The following SRRM2 variants were observed in gnomAD, a reference collection of about 807,000 sequenced individuals.
SRRM2 encodes the protein serine/arginine repetitive matrix 2.
In SRRM2, 30 loss-of-function variants were observed where a neutral mutation model predicts 213.8. That is an observed-to-expected ratio of 0.14 (90% CI 0.10 to 0.19). The LOEUF is 0.19. Among genes scored for constraint, SRRM2 ranks in the 10% least tolerant of loss-of-function variants. The probability of loss-of-function intolerance (pLI) is 1.00; values close to 1 mark genes in which losing one functional copy is unlikely to be tolerated. For synonymous variants in SRRM2, 2,025 were observed against 1,377.7 expected, an observed-to-expected ratio of 1.47 and a Z score of -10.40; for missense variants, 4,904 against 3,647.0, an observed-to-expected ratio of 1.34 and a Z score of -8.88.
At position 2,763,006 on chromosome 16, in the gene SRRM2, A is replaced by C. The variant is rs749958238; in HGVS notation, c.2478A>C (p.Lys826Asn). The change falls in exon 11 of 15, where the codon AAA (lysine) becomes AAC (asparagine). Residue 826 changes from lysine (K) to asparagine (N), a missense_variant. Lys to Asn is a moderately conservative substitution (Grantham distance 94). Coordinates refer to ENST00000301740, the MANE Select transcript of SRRM2 (RefSeq NM_016333.4). ...RSSSSPPPKQ[K>N]SKTPSRQSHS... ...GTTCTTCTCCGCCACCTAAACAGAA[A>C]TCTAAGACACCATCAAGACAAAGTC... 3 of 1,614,082 alleles carry C rather than the reference A, an allele frequency of 1.9e-6. No homozygotes were observed. The highest frequency in any genetic ancestry group is 2.5e-6 in the Non-Finnish European group (3 of 1,180,008).
chr16:2,758,309 C>T (rs768860004), intron 4 of SRRM2, among the ~76,000 whole-genome samples, 161 bp from the exon 5 acceptor site: 4 of 152,168 alleles, frequency 2.6e-5, no homozygotes, highest in Admixed American at 6.5e-5. Flanking sequence ...TTGGAGGTTA[C>T]GGTGTGAGCT....
Position 2,764,805 on chromosome 16 carries a change from A to T in SRRM2, c.4277A>T (p.Glu1426Val). 6.2e-7 allele frequency: 1 copy of T among 1,614,190 alleles called. No individual in the cohort carries two copies. Among genetic ancestry groups the T allele is most frequent in the Non-Finnish European group, 8.5e-7 (1 of 1,180,050 alleles). The change falls in exon 11 of 15, where the codon GAA (glutamate) becomes GTA (valine). Residue 1426 changes from glutamate (E) to valine (V), a missense_variant. By Grantham distance (121) the Glu-to-Val change is moderately radical. Coordinates refer to ENST00000301740, the MANE Select transcript of SRRM2 (RefSeq NM_016333.4). ...RERSSSASSP[E>V]MKDGLPRTPS... The stretch of plus-strand genomic sequence containing the variant: ...AGAAGTAGTTCTGCATCTTCTCCTG[A>T]AATGAAAGATGGTTTACCCAGAACT...
Position 2,757,957 on chromosome 16 carries a change from CA to C in SRRM2, c.515+14del, listed in dbSNP as rs746092507. 6.3e-7 allele frequency: 1 copy of C among 1,598,880 alleles called. No homozygotes were observed. The highest frequency in any genetic ancestry group is 2.2e-5 in the East Asian group (1 of 44,672). On this transcript the variant is annotated intron_variant, in intron 4 of 14. Transcript: ENST00000301740. ...CCCAAACCTTACAGGTATACAAGGC[CA>C]AGAAACCACTGTCAGCTTCTTTTCT...
chr16:2,770,599 T>C lies in SRRM2; in HGVS notation c.8136-5T>C, dbSNP rs1160026354. 4 of 1,553,310 alleles carry C rather than the reference T, an allele frequency of 2.6e-6. No individual in the cohort carries two copies. The highest frequency in any genetic ancestry group is 3.9e-5 in the Admixed American group (2 of 51,324). On this transcript the variant is annotated splice_polypyrimidine_tract_variant and splice_region_variant and intron_variant, in intron 13 of 14. Transcript: ENST00000301740. ...CTGTGGCCTGATGTCTGTCCTGTGT[T>C]GCAGCAGCAGCAGTGAGCGGGGTTC...
At chr16:2,758,396 G>T in intron 4 of SRRM2, 74 bp from the exon 5 acceptor site, 1 of 1,288,056 alleles carries the variant, frequency 7.8e-7, no homozygotes, top group South Asian at 1.3e-5. Context: ...TATTTTTTTA[G>T]ACTCTGTCTT....
Position 2,766,112 on chromosome 16 carries a change from A to C in SRRM2, c.5584A>C (p.Lys1862Gln), listed in dbSNP as rs1347248625. The C allele has an allele frequency of 1.3e-5, 21 of 1,614,028 alleles. No homozygotes were observed. Among genetic ancestry groups the C allele is most frequent in the Non-Finnish European group, 1.7e-5 (20 of 1,180,032 alleles). The change falls in exon 11 of 15, where the codon AAA (lysine) becomes CAA (glutamine). Residue 1862 changes from lysine to glutamine, a missense_variant. Coordinates refer to ENST00000301740, the MANE Select transcript of SRRM2 (RefSeq NM_016333.4). This position sits in a 1 kb window ranked among gnomAD's most constrained non-coding sequence, Gnocchi z 7.0. ...SRSRTSPAPW[K>Q]RSRSRASPAT... ...CTCACGCACATCACCAGCCCCGTGG[A>C]AACGCTCTAGATCTCGAGCCTCTCC...
intron 11 of SRRM2, chr16:2,768,551 G>A (rs1418913697): frequency 1.5e-6 from 1 of 653,050 alleles, no homozygotes; most frequent in Non-Finnish European, 2.8e-6. Flanking sequence ...CAGGAGGGAT[G>A]GCAGTTAGAC....
At position 2,769,281 on chromosome 16, in the gene SRRM2, G is replaced by A. The variant is rs773683657; in HGVS notation, c.8018G>A (p.Arg2673Gln). 2.6e-5 allele frequency: 40 copies of A among 1,557,908 alleles called. No homozygotes were observed. In the Middle Eastern group the frequency reaches 6.9e-4, roughly 27 times the overall value. ...CCCAAGAAGCCACCCCCTGGCGAGC[G>A]GAGGTGAGTGCTGTCTTGCCTGAGT... The part of the protein sequence containing the change: ...ASPKKPPPGE[R>Q]RSRSPRKPID... Residue 2673 changes from arginine to glutamine, a missense_variant, in exon 12 of 15, where the codon CGG becomes CAG. By Grantham distance (43) the Arg-to-Gln change is conservative (BLOSUM62 1). Coordinates refer to ENST00000301740, the MANE Select transcript of SRRM2 (RefSeq NM_016333.4).
In SRRM2 at chr16:2,766,822, T is replaced by A; in HGVS notation, c.6294T>A (p.Asn2098Lys). Residue 2098 changes from asparagine to lysine, a missense_variant, in exon 11 of 15, where the codon AAT (asparagine) becomes AAA (lysine). Coordinates refer to ENST00000301740, the MANE Select transcript of SRRM2 (RefSeq NM_016333.4). This position sits in a 1 kb window ranked among gnomAD's most constrained non-coding sequence, Gnocchi z 7.0. ...CTGCTACTCCTCCAGCAACAAGAAA[T>A]CATTCTGGTTCACGGACACCTCCAG... is the stretch of plus-strand genomic sequence containing the variant. ...SRSATPPATR[N>K]HSGSRTPPVA... The A allele has an allele frequency of 6.2e-7, 1 of 1,614,076 alleles. No homozygotes were observed. The highest frequency in any genetic ancestry group is 8.5e-7 in the Non-Finnish European group (1 of 1,180,014).
chr16:2,758,438 A>T, intron 4 of SRRM2, 32 bp from the exon 5 acceptor site: 1 of 1,551,376 alleles, frequency 6.4e-7, no homozygotes, highest in Non-Finnish European at 8.9e-7. Flanking sequence ...TTGTTCTACC[A>T]CCCATCTCTG....
rs559263315 is a variant in SRRM2 at position 2,763,465 on chromosome 16, G to A, written c.2937G>A (p.Val979=). Residue 979 remains valine, a synonymous_variant, in exon 11 of 15, where the codon GTG becomes GTA. Transcript: ENST00000301740. The stretch of plus-strand genomic sequence containing the variant: ...GGTCCTCCTCACCAGATACCAAAGT[G>A]AAACCTGAAACACCGCCAAGACAAA... ...HSGSSSPDTK[V]KPETPPRQSH... 6.2e-7 allele frequency: 1 copy of A among 1,614,038 alleles called. No homozygotes were observed. Among genetic ancestry groups the A allele is most frequent in the Non-Finnish European group, 8.5e-7 (1 of 1,180,040 alleles).
Position 2,763,085 on chromosome 16 carries a change from G to A in SRRM2, c.2557G>A (p.Gly853Arg). 2.5e-6 allele frequency: 4 copies of A among 1,614,138 alleles called. No homozygotes were observed. The highest frequency in any genetic ancestry group is 3.4e-6 in the Non-Finnish European group (4 of 1,180,028). ...GAAATCTGGAACACCACCGAGGCAA[G>A]GGTCCATAACAAGTCCCCAGGCCAA... ...KVKSGTPPRQGSITSPQANEQ... is the reference protein window; with the variant it reads ...KVKSGTPPRQRSITSPQANEQ... The change falls in exon 11 of 15, where the codon GGG (glycine) becomes AGG (arginine). Residue 853 changes from glycine (G) to arginine (R), a missense_variant. Transcript: ENST00000301740.
Position 2,767,832 on chromosome 16 carries a change from C to G in SRRM2, c.7304C>G (p.Pro2435Arg). Residue 2435 changes from proline (P) to arginine (R), a missense_variant, in exon 11 of 15, where the codon CCT becomes CGT. Transcript: ENST00000301740. ...CCTTCCTCTAGAATGGGCCAGGCTCCTTCACAGTCTCTTCTCCCTCCAGCA... is the reference window on the plus strand; with the variant it reads ...CCTTCCTCTAGAATGGGCCAGGCTCGTTCACAGTCTCTTCTCCCTCCAGCA... ...PSPSSRMGQA[P>R]SQSLLPPAQD... The G allele has an allele frequency of 6.2e-7, 1 of 1,614,076 alleles. No individual in the cohort carries two copies. Among genetic ancestry groups the G allele is most frequent in the Non-Finnish European group, 8.5e-7 (1 of 1,180,006 alleles).
intron 10 of SRRM2, 64 bp downstream of exon 10, chr16:2,760,563 A>ATG: frequency 1.3e-6 from 2 of 1,561,174 alleles, no homozygotes; most frequent in African/African-American, 2.7e-5. Context: ...TAGACATGTG[A>ATG]TGTGAAAGGG....
In SRRM2 at chr16:2,766,904, C is replaced by A. The variant is rs201534509; in HGVS notation, c.6376C>A (p.Pro2126Thr). ...CAGTCGTCCTAGCATGTCCCCAACACCTCTTGATCGCTGCAGATCACCTGG... is the reference window on the plus strand; with the variant it reads ...CAGTCGTCCTAGCATGTCCCCAACAACTCTTGATCGCTGCAGATCACCTGG... The part of the protein sequence containing the change: ...CFSRPSMSPT[P>T]LDRCRSPGML... Residue 2126 changes from proline to threonine, a missense_variant, in exon 11 of 15, where the codon CCT becomes ACT. Transcript: ENST00000301740. This position sits in a 1 kb window ranked among gnomAD's most constrained non-coding sequence, Gnocchi z 7.0. 4 of 1,614,024 alleles carry A rather than the reference C, an allele frequency of 2.5e-6. No individual in the cohort carries two copies. In the African/African-American group the frequency reaches 5.3e-5, roughly 22 times the overall value.
chr16:2,758,505 C>G lies in SRRM2; in HGVS notation c.551C>G (p.Thr184Ser). 6.2e-7 allele frequency: 1 copy of G among 1,614,144 alleles called. No individual in the cohort carries two copies. Among genetic ancestry groups the G allele is most frequent in the Non-Finnish European group, 8.5e-7 (1 of 1,180,038 alleles). ...VRESSSSRSP[T>S]PKQKKKKKKK... ...GAGTCTAGCAGTTCTCGCTCACCAA[C>G]CCCAAAGCAGAAGAAGAAGAAAAAG... Residue 184 changes from threonine (T) to serine (S), a missense_variant, in exon 5 of 15, where the codon ACC becomes AGC. Coordinates refer to ENST00000301740, the MANE Select transcript of SRRM2 (RefSeq NM_016333.4).
Position 2,768,178 on chromosome 16 carries a change from GTCGTCC to G in SRRM2, c.7653_7658del (p.Ser2555_Ser2556del), listed in dbSNP as rs2068611098. The G allele has an allele frequency of 1.2e-6, 2 of 1,612,356 alleles. No individual in the cohort carries two copies. The highest frequency in any genetic ancestry group is 1.7e-6 in the Non-Finnish European group (2 of 1,178,862). ...CCTCCTCTTCTTCATCATCGTCGTCGTCGTCCTCCTCCTCCTCTGGCTCCAGTTCTA... is the reference window on the plus strand; with the variant it reads ...CCTCCTCTTCTTCATCATCGTCGTCGTCCTCCTCCTCTGGCTCCAGTTCTA... On this transcript the variant is annotated inframe_deletion, in exon 11 of 15. Transcript: ENST00000301740.
Position 2,770,029 on chromosome 16 carries a change from C to T in SRRM2, c.8022-323C>T, listed in dbSNP as rs373896755. On this transcript the variant is annotated intron_variant, in intron 12 of 14. Coordinates refer to ENST00000301740, the MANE Select transcript of SRRM2 (RefSeq NM_016333.4). ...GCCCCTTCCCTGCCTTGCCCCATGT[C>T]CCCCTCCCTTGGGTCCCCAGAGCCA... The T allele has an allele frequency of 2.5e-4, 187 of 762,406 alleles. 1 individual carries two copies. In the East Asian group the frequency reaches 5.9e-3, roughly 24 times the overall value. The allele number at this position is 762,406 out of a possible 1,614,324, so 47.2% of individuals were successfully genotyped here.
Position 2,766,469 on chromosome 16 carries a change from A to G in SRRM2, c.5941A>G (p.Arg1981Gly). ...CAGAACTTCGCCTATCACTCGCAGAAGATCAAGATCCAGAACATCTCCGGT... is the reference window on the plus strand; with the variant it reads ...CAGAACTTCGCCTATCACTCGCAGAGGATCAAGATCCAGAACATCTCCGGT... Reference protein sequence around the residue: ...RSRTSPITRRRSRSRTSPVTR... With the variant: ...RSRTSPITRRGSRSRTSPVTR... Residue 1981 changes from arginine to glycine, a missense_variant, in exon 11 of 15, where the codon AGA (arginine) becomes GGA (glycine). Transcript: ENST00000301740. This position sits in a 1 kb window ranked among gnomAD's most constrained non-coding sequence, Gnocchi z 7.0. 6.2e-7 allele frequency: 1 copy of G among 1,614,020 alleles called. No individual in the cohort carries two copies. Among genetic ancestry groups the G allele is most frequent in the Non-Finnish European group, 8.5e-7 (1 of 1,180,006 alleles).
Sources: gnomAD v4.1 joint callset for allele counts (sites outside exome capture counted in the v4.1 genomes callset) on GRCh38, gnomAD v4.1.1 for gene constraint, Gnocchi (gnomAD v3.1) non-coding constraint, MANE v1.5 for transcripts, NCBI Gene and HGNC (gene_info 2026-07-23, HGNC 2026-07-21) for gene names.